The following FAR2 variants were observed in gnomAD, a reference collection of about 807,000 sequenced individuals.
FAR2 encodes fatty acyl-CoA reductase 2.
Under a neutral mutation model 56.0 loss-of-function variants are expected in FAR2, and 19 were observed. That is an observed-to-expected ratio of 0.34 (90% CI 0.24 to 0.50). The LOEUF is 0.50. FAR2 is among the 20% of genes least tolerant of loss of function. FAR2 has a pLI of 0.98. For missense variants in FAR2, 508 were observed against 642.2 expected (o/e 0.79, Z 2.26); for synonymous variants, 219 against 218.8 (o/e 1.00, Z -0.01).
rs192005153 is a variant in FAR2, at chr12:29,301,293, C to T, written c.545+4093C>T. Among the ~76,000 whole-genome samples the T allele has an allele frequency of 4.4e-3, 670 of 152,222 alleles. 1 individual carries two copies. Among genetic ancestry groups the T allele is most frequent in the Non-Finnish European group, 6.2e-3 (425 of 68,018 alleles). ...TCCTGGCTCTTATATCTGTAGTTGT[C>T]TTCTGCCCCTCATCCCAGCCACCGG... On this transcript the variant is annotated intron_variant, in intron 4 of 11. Coordinates refer to ENST00000536681, the MANE Select transcript of FAR2 (RefSeq NM_001271783.2).
At chr12:29,172,482 G>T (rs557078027) in intron 1 of FAR2, among the ~76,000 whole-genome samples, 9 of 152,310 alleles carry the variant, frequency 5.9e-5, no homozygotes, top group African/African-American at 1.9e-4. Context: ...AACCACTGAG[G>T]TTTGTTTGTC....
At chr12:29,327,486 C>T (rs9738721) in intron 10 of FAR2, among the ~76,000 whole-genome samples, 43,328 of 152,004 alleles carry the variant, frequency 0.29, 6,387 homozygotes, top group East Asian at 0.35. Context: ...AGGCATCAGG[C>T]TACCTGACTT....
chr12:29,185,249 G>A (rs890962287), intron 1 of FAR2, among the ~76,000 whole-genome samples: 8 of 152,088 alleles, frequency 5.3e-5, no homozygotes, highest in African/African-American at 1.9e-4. Context: ...CACTACCCTA[G>A]TCCCACTGAA....
At chr12:29,217,264 G>A (rs760627178) in intron 1 of FAR2, among the ~76,000 whole-genome samples, 10 of 152,314 alleles carry the variant, frequency 6.6e-5, no homozygotes, top group South Asian at 6.2e-4. Context: ...TGCTCAGTCC[G>A]GGTATGGGAA....
chr12:29,222,729 G>C (rs1056295623), intron 1 of FAR2, among the ~76,000 whole-genome samples: 1 of 152,216 alleles, frequency 6.6e-6, no homozygotes, highest in Non-Finnish European at 1.5e-5. Flanking sequence ...AGAGGAGCCT[G>C]ACTAAAGTTG....
chr12:29,167,471 A>G (rs1949840371), intron 1 of FAR2, among the ~76,000 whole-genome samples: 2 of 152,130 alleles, frequency 1.3e-5, no homozygotes, highest in African/African-American at 2.4e-5. Context: ...CCAGAGGCTT[A>G]CTTCCACTTA....
chr12:29,316,834 T>A lies in FAR2; in HGVS notation c.956-7T>A. ...CTCCTCTAGCACTTACTTTCTTTTT[T>A]CCCCAGGAGTCCAAGTCTTGGCAAC... On this transcript the variant is annotated splice_region_variant and splice_polypyrimidine_tract_variant and intron_variant, in intron 8 of 11. Coordinates refer to ENST00000536681, the MANE Select transcript of FAR2 (RefSeq NM_001271783.2). The A allele has an allele frequency of 6.2e-7, 1 of 1,613,740 alleles. No individual in the cohort carries two copies. Among genetic ancestry groups the A allele is most frequent in the Non-Finnish European group, 8.5e-7 (1 of 1,179,826 alleles).
At chr12:29,265,793 A>G (rs917225842) in intron 1 of FAR2, among the ~76,000 whole-genome samples, 5 of 152,238 alleles carry the variant, frequency 3.3e-5, no homozygotes, top group African/African-American at 1.2e-4. Context: ...ACCAGAATAT[A>G]TAAGGAACAC....
At position 29,322,514 on chromosome 12, in the gene FAR2, G is replaced by A. The variant is rs75661651; in HGVS notation, c.1257+590G>A. ...TTCAGACTTTCATTTCTCAAGACAG[G>A]TCTTCAGTTTAATTCCTTAGCACCA... On this transcript the variant is annotated intron_variant, in intron 10 of 11. Transcript: ENST00000536681. Among the ~76,000 whole-genome samples the A allele has an allele frequency of 3.2e-3, 485 of 152,184 alleles. 4 individuals are homozygous for A. Among genetic ancestry groups the A allele is most frequent in the Middle Eastern group, 0.024 (7 of 294 alleles).
At chr12:29,149,991 G>T (rs1045803347) in intron 1 of FAR2, among the ~76,000 whole-genome samples, 8 of 152,180 alleles carry the variant, frequency 5.3e-5, no homozygotes, top group Middle Eastern at 3.2e-3. Flanking sequence ...CCTGGGCCTC[G>T]CCGGGGTCGT....
At chr12:29,277,083 T>G (rs1948712517) in intron 2 of FAR2, among the ~76,000 whole-genome samples, 2 of 152,182 alleles carry the variant, frequency 1.3e-5, no homozygotes, top group Non-Finnish European at 2.9e-5. Flanking sequence ...GTTCAAGCGA[T>G]TCTCCTGCCT....
chr12:29,187,810 A>G (rs1307585390), intron 1 of FAR2, among the ~76,000 whole-genome samples: 1 of 152,178 alleles, frequency 6.6e-6, no homozygotes, highest in Non-Finnish European at 1.5e-5. Flanking sequence ...TACCAACTTA[A>G]TGGTTTCTGT....
At chr12:29,225,811 A>G (rs1185191725) in intron 1 of FAR2, among the ~76,000 whole-genome samples, 1 of 152,248 alleles carries the variant, frequency 6.6e-6, no homozygotes. Flanking sequence ...TTTCAATTTC[A>G]AAAATGATTG....
intron 1 of FAR2, among the ~76,000 whole-genome samples, chr12:29,235,742 G>C (rs1316316366): frequency 6.6e-6 from 1 of 152,102 alleles, no homozygotes. Flanking sequence ...ATTTGAGGCT[G>C]TGCCCAGCTC....
intron 1 of FAR2, among the ~76,000 whole-genome samples, chr12:29,163,452 A>G (rs1162619933): frequency 1.3e-5 from 2 of 152,240 alleles, no homozygotes; most frequent in African/African-American, 2.4e-5. Context: ...CAACTGTAGT[A>G]GACAGAGAAG....
At chr12:29,177,316 T>G (rs1017604784) in intron 1 of FAR2, among the ~76,000 whole-genome samples, 1 of 152,140 alleles carries the variant, frequency 6.6e-6, no homozygotes, top group Admixed American at 6.5e-5. Context: ...TTCCAAATAA[T>G]GTACAGGGCA....
At chr12:29,150,198 T>C (rs531623039) in intron 1 of FAR2, among the ~76,000 whole-genome samples, 1 of 152,180 alleles carries the variant, frequency 6.6e-6, no homozygotes, top group Non-Finnish European at 1.5e-5. Context: ...CGGGGCAGTC[T>C]CAGTCTATTA....
At chr12:29,174,483 C>G (rs1488137042) in intron 1 of FAR2, among the ~76,000 whole-genome samples, 1 of 112,504 alleles carries the variant, frequency 8.9e-6, no homozygotes, top group East Asian at 3.0e-4. Flanking sequence ...GTCACCCAGG[C>G]TAGAGTGCAG....
intron 1 of FAR2, among the ~76,000 whole-genome samples, chr12:29,225,289 C>T (rs1031345397): frequency 2.0e-5 from 3 of 152,006 alleles, no homozygotes; most frequent in East Asian, 1.9e-4. Context: ...AAATAAAGAA[C>T]GTTTAGACAA....
Sources: allele counts gnomAD v4.1 joint callset (sites outside exome capture counted in the v4.1 genomes callset), GRCh38; gene constraint gnomAD v4.1.1; transcripts MANE v1.5; gene names NCBI Gene and HGNC (gene_info 2026-07-23, HGNC 2026-07-21).